The following KIAA0319 variants were observed in gnomAD, a reference collection of about 807,000 sequenced individuals.
The protein encoded by KIAA0319 is KIAA0319.
Under a neutral mutation model 108.4 loss-of-function variants are expected in KIAA0319, and 83 were observed. The observed-to-expected ratio is 0.77, with a 90% CI of 0.64 to 0.92. The LOEUF (loss-of-function observed/expected upper bound fraction) is 0.92. Among genes scored for constraint, KIAA0319 ranks in the 40% least tolerant of loss-of-function variants. The probability of loss-of-function intolerance (pLI) is 0.00; values close to 1 mark genes in which losing one functional copy is unlikely to be tolerated. For synonymous variants in KIAA0319, 484 were observed against 510.4 expected, an observed-to-expected ratio of 0.95 and a Z score of 0.70; for missense variants, 1,195 against 1,322.4, an observed-to-expected ratio of 0.90 and a Z score of 1.49.
intron 18 of KIAA0319, among the ~76,000 whole-genome samples, chr6:24,555,125 C>T (rs1380651649): frequency 6.6e-6 from 1 of 152,174 alleles, no homozygotes; most frequent in Non-Finnish European, 1.5e-5. Flanking sequence ...CACATCCTTA[C>T]AGAAATCTAA....
At chr6:24,569,352 G>A (rs1217965378) in intron 12 of KIAA0319, among the ~76,000 whole-genome samples, 6 of 152,160 alleles carry the variant, frequency 3.9e-5, no homozygotes, top group African/African-American at 7.2e-5. Context: ...CACTAAGATC[G>A]GGGCTTGTCA....
At chr6:24,551,900 A>G (rs1363041242) in intron 19 of KIAA0319, among the ~76,000 whole-genome samples, 2 of 152,224 alleles carry the variant, frequency 1.3e-5, no homozygotes, top group Non-Finnish European at 2.9e-5. Context: ...TCACCCTGCT[A>G]TGTCCAATGC....
chr6:24,605,599 C>A (rs775050881), intron 1 of KIAA0319, among the ~76,000 whole-genome samples: 2 of 152,096 alleles, frequency 1.3e-5, no homozygotes, highest in African/African-American at 2.4e-5. Context: ...CAAAATAGAA[C>A]TTTTAAAATA....
chr6:24,595,119 A>C (rs1769260224), intron 3 of KIAA0319, among the ~76,000 whole-genome samples: 1 of 152,164 alleles, frequency 6.6e-6, no homozygotes, highest in African/African-American at 2.4e-5. Context: ...CCAATTGTTC[A>C]TGATGCCATG....
chr6:24,586,261 C>A (rs1402170415), intron 4 of KIAA0319, among the ~76,000 whole-genome samples: 1 of 152,134 alleles, frequency 6.6e-6, no homozygotes, highest in Non-Finnish European at 1.5e-5. Context: ...CTAGAATATG[C>A]CATTGCAACT....
At chr6:24,574,207 G>A (rs1312513839) in intron 10 of KIAA0319, among the ~76,000 whole-genome samples, 3 of 152,126 alleles carry the variant, frequency 2.0e-5, no homozygotes, top group African/African-American at 7.2e-5. Context: ...GCCAAGGCGA[G>A]AAGATTTCTT....
At chr6:24,594,217 A>G (rs1176693176) in intron 3 of KIAA0319, among the ~76,000 whole-genome samples, 6 of 41,118 alleles carry the variant, frequency 1.5e-4, no homozygotes, top group East Asian at 3.9e-4. Flanking sequence ...AAAAAAAAAA[A>G]AAAAAAAAAA....
At chr6:24,603,797 G>A (rs1165523122) in intron 1 of KIAA0319, among the ~76,000 whole-genome samples, 3 of 152,186 alleles carry the variant, frequency 2.0e-5, no homozygotes, top group Non-Finnish European at 4.4e-5. Flanking sequence ...TCTTAAGATG[G>A]TGTCTGGAAG....
chr6:24,603,534 A>AT (rs962200306), intron 1 of KIAA0319, among the ~76,000 whole-genome samples: 1 of 152,174 alleles, frequency 6.6e-6, no homozygotes, highest in African/African-American at 2.4e-5. Flanking sequence ...CCACTCCTTC[A>AT]TTCCTCCTCC....
In KIAA0319 at chr6:24,566,726, G is replaced by A. The variant is rs1698538630; in HGVS notation, c.2163C>T (p.Ala721=). 1.2e-6 allele frequency: 2 copies of A among 1,608,934 alleles called. No individual in the cohort carries two copies. The highest frequency in any genetic ancestry group is 1.6e-4 in the Middle Eastern group (1 of 6,064). ...CAAGAACATGTCTGCCACCAGCCCG[G>A]GCTCTGGGAGGACTATTATTTTCTA... ...VKKENNSPPR[A]RAGGRHVLVL... The change falls in exon 14 of 21, where the codon GCC becomes GCT. Residue 721 remains alanine, a synonymous_variant. Coordinates refer to ENST00000378214, the MANE Select transcript of KIAA0319 (RefSeq NM_014809.4).
chr6:24,610,440 C>G (rs1453821291), intron 1 of KIAA0319, among the ~76,000 whole-genome samples: 1 of 152,106 alleles, frequency 6.6e-6, no homozygotes, highest in Non-Finnish European at 1.5e-5. Flanking sequence ...AAAACGTTGT[C>G]AAGCATGTGA....
chr6:24,566,571 AG>A, intron 14 of KIAA0319, 25 bp downstream of exon 14: 1 of 1,585,380 alleles, frequency 6.3e-7, no homozygotes, highest in Non-Finnish European at 8.6e-7. Flanking sequence ...TAAGTGGTCT[AG>A]GAGCAATTCT....
At chr6:24,607,432 G>GT (rs771155351) in intron 1 of KIAA0319, among the ~76,000 whole-genome samples, 1,706 of 148,290 alleles carry the variant, frequency 0.012, 15 homozygotes, top group African/African-American at 0.017. Flanking sequence ...TTGTTTTTCG[G>GT]TTTTTTTTTT....
chr6:24,542,620 T>G (rs552892686), downstream of KIAA0319, among the ~76,000 whole-genome samples: 2 of 152,018 alleles, frequency 1.3e-5, no homozygotes, highest in Non-Finnish European at 2.9e-5. Flanking sequence ...AGCTGAGAGG[T>G]GGGAGGATCA....
chr6:24,638,717 G>A (rs576206397), intron 1 of KIAA0319, among the ~76,000 whole-genome samples: 4 of 151,140 alleles, frequency 2.6e-5, no homozygotes, highest in East Asian at 3.9e-4. Flanking sequence ...CTGAGATTGC[G>A]CCACGGCACT....
At position 24,576,479 on chromosome 6, in the gene KIAA0319, C is replaced by A; in HGVS notation, c.1623G>T (p.Leu541Phe). ...CATTCAAAGTGATGGAGTTTTGGGGCAAAGTTATGGTGTGATTTGGTCCTG... is the reference window on the plus strand; with the variant it reads ...CATTCAAAGTGATGGAGTTTTGGGGAAAAGTTATGGTGTGATTTGGTCCTG... ...ANAGPNHTITLPQNSITLNGN... is the reference protein window; with the variant it reads ...ANAGPNHTITFPQNSITLNGN... Residue 541 changes from leucine to phenylalanine, a missense_variant, in exon 10 of 21, where the codon TTG (leucine) becomes TTT (phenylalanine). Transcript: ENST00000378214. 1 of 1,614,068 alleles carries A rather than the reference C, an allele frequency of 6.2e-7. No homozygotes were observed. The highest frequency in any genetic ancestry group is 8.5e-7 in the Non-Finnish European group (1 of 1,180,004).
chr6:24,638,266 A>G (rs777703673), intron 1 of KIAA0319, among the ~76,000 whole-genome samples: 3 of 152,242 alleles, frequency 2.0e-5, no homozygotes, highest in Non-Finnish European at 4.4e-5. Context: ...AAATACCTAT[A>G]TCAAAAGTTG....
Position 24,588,656 on chromosome 6 carries a change from C to T in KIAA0319, c.931G>A (p.Ala311Thr), listed in dbSNP as rs4504469. The T allele has an allele frequency of 0.38, 604,952 of 1,612,676 alleles. 121,819 individuals carry two copies. Among genetic ancestry groups the T allele is most frequent in the Non-Finnish European group, 0.41 (486,014 of 1,178,966 alleles). Residue 311 changes from alanine to threonine, a missense_variant, in exon 4 of 21, where the codon GCA becomes ACA. Transcript: ENST00000378214. ...GATGGGGTGGACTCAGAGGGGGCTG[C>T]GCTAGTGGGAGGTGTTGGGATGCTG... ...EHSIPTPPTS[A>T]APSESTPSEL...
Position 24,568,199 on chromosome 6 carries a change from T to C in KIAA0319, c.2140+582A>G, listed in dbSNP as rs1333684949. Among the ~76,000 whole-genome samples, 3 of 152,272 alleles carry C rather than the reference T, an allele frequency of 2.0e-5. No individual in the cohort carries two copies. The South Asian group carries it at 6.2e-4, about 32-fold the overall frequency. ...CTTGAACCTTTCCATCCAGCCAGGCTCTTATACTCCTCTGCACTTCAACAC... is the reference window on the plus strand; with the variant it reads ...CTTGAACCTTTCCATCCAGCCAGGCCCTTATACTCCTCTGCACTTCAACAC... On this transcript the variant is annotated intron_variant, in intron 13 of 20. Transcript: ENST00000378214.
Sources: allele counts gnomAD v4.1 joint callset (sites outside exome capture counted in the v4.1 genomes callset), GRCh38; gene constraint gnomAD v4.1.1; transcripts MANE v1.5; gene names NCBI Gene and HGNC (gene_info 2026-07-23, HGNC 2026-07-21).